The following ELP3 variants were observed in gnomAD, a reference collection of about 807,000 sequenced individuals.
ELP3 encodes elongator acetyltransferase complex subunit 3.
A neutral mutation model predicts 74.9 loss-of-function variants in ELP3; 56 were observed. The ratio of observed to expected loss-of-function variants is 0.75; its 90% CI spans 0.60 to 0.93. The LOEUF is 0.93. Ranked by LOEUF, ELP3 falls within the 40% of genes least tolerant of loss-of-function variation. The probability of loss-of-function intolerance (pLI) is 0.00; values close to 1 mark genes in which losing one functional copy is unlikely to be tolerated. For missense variants in ELP3, 573 were observed against 686.5 expected (o/e 0.83, Z 1.85); for synonymous variants, 222 against 239.8 (o/e 0.93, Z 0.68).
intron 14 of ELP3, among the ~76,000 whole-genome samples, chr8:28,162,661 A>G (rs1286832406): frequency 6.6e-6 from 1 of 152,232 alleles, no homozygotes; most frequent in Non-Finnish European, 1.5e-5. Flanking sequence ...AAGCATACAC[A>G]TTTATTGCAT....
intron 14 of ELP3, among the ~76,000 whole-genome samples, chr8:28,162,518 A>G (rs1022396901): frequency 2.0e-5 from 3 of 152,130 alleles, no homozygotes; most frequent in Admixed American, 6.5e-5. Context: ...TGCTCTTTCA[A>G]TTTTGTTCTC....
intron 3 of ELP3, among the ~76,000 whole-genome samples, chr8:28,102,302 C>T (rs530282176): frequency 1.1e-4 from 16 of 152,342 alleles, no homozygotes; most frequent in South Asian, 1.0e-3. Context: ...TTCACCTTTC[C>T]TGTCCATGTT....
At chr8:28,138,950 CTTG>C (rs916164154) in intron 10 of ELP3, among the ~76,000 whole-genome samples, 7 of 152,114 alleles carry the variant, frequency 4.6e-5, no homozygotes, top group African/African-American at 1.2e-4. Flanking sequence ...GGCCCTTCCC[CTTG>C]TTGTTCAACC....
chr8:28,181,640 CTTTCCCACG>C (rs1363067032), intron 14 of ELP3, among the ~76,000 whole-genome samples: 6 of 152,214 alleles, frequency 3.9e-5, no homozygotes, highest in African/African-American at 1.4e-4. Flanking sequence ...AAGGGATGTG[CTTTCCCACG>C]AAGACTAGAG....
chr8:28,120,638 A>G lies in ELP3; in HGVS notation c.617+7465A>G, dbSNP rs180833398. On this transcript the variant is annotated intron_variant, in intron 7 of 14. Coordinates refer to ENST00000256398, the MANE Select transcript of ELP3 (RefSeq NM_018091.6). ...ACCATTGCACGTTCCCAAGGCACAA[A>G]GATATTCTCCTGTGTTTTCTTCTAA... 7.5e-4 allele frequency among the ~76,000 whole-genome samples: 114 copies of G among 152,316 alleles called. No homozygotes were observed. The Middle Eastern group carries it at 0.01, about 14-fold the overall frequency.
chr8:28,120,066 G>A (rs4732824), intron 7 of ELP3, among the ~76,000 whole-genome samples: 88,063 of 151,984 alleles, frequency 0.58, 27,284 homozygotes, highest in East Asian at 0.92. Flanking sequence ...ACGTTCTTGT[G>A]TAAGTCTTTT....
chr8:28,186,118 A>G (rs1815229476), intron 14 of ELP3, among the ~76,000 whole-genome samples: 1 of 152,178 alleles, frequency 6.6e-6, no homozygotes, highest in Non-Finnish European at 1.5e-5. Flanking sequence ...TACATGTGGT[A>G]TCTACAGGAG....
chr8:28,103,173 AAAAC>A (rs370258663), intron 3 of ELP3, among the ~76,000 whole-genome samples: 1,813 of 118,176 alleles, frequency 0.015, 32 homozygotes, highest in African/African-American at 0.051. Context: ...CTGTCTCAAA[AAAAC>A]AAACAAACAA....
At chr8:28,117,775 A>C (rs1208237050) in intron 7 of ELP3, among the ~76,000 whole-genome samples, 1 of 152,204 alleles carries the variant, frequency 6.6e-6, no homozygotes, top group Non-Finnish European at 1.5e-5. Flanking sequence ...TGCTTTGTTA[A>C]GGTAAAGTTT....
intron 10 of ELP3, among the ~76,000 whole-genome samples, chr8:28,145,057 AAAAG>A (rs1372476502): frequency 2.6e-5 from 4 of 152,170 alleles, no homozygotes; most frequent in Non-Finnish European, 4.4e-5. Context: ...AATAAAATAA[AAAAG>A]AAACCTGTAT....
intron 2 of ELP3, among the ~76,000 whole-genome samples, chr8:28,098,203 A>AC (rs1169013618): frequency 2.7e-5 from 4 of 147,476 alleles, no homozygotes; most frequent in Non-Finnish European, 6.0e-5. Context: ...CTCTGCATCT[A>AC]TTTTTTTTTT....
chr8:28,189,741 A>T lies in ELP3; in HGVS notation c.*16A>T. The stretch of plus-strand genomic sequence containing the variant: ...GCTGAAATAATGGCCACACCAGTCC[A>T]CTCTTCTGCAGTATCCTCCCTGGCA... On this transcript the variant is annotated 3_prime_UTR_variant, in exon 15 of 15. Coordinates refer to ENST00000256398, the MANE Select transcript of ELP3 (RefSeq NM_018091.6). 6.2e-7 allele frequency: 1 copy of T among 1,611,208 alleles called. No individual in the cohort carries two copies. Among genetic ancestry groups the T allele is most frequent in the East Asian group, 2.2e-5 (1 of 44,862 alleles).
chr8:28,135,017 C>T (rs574064490), intron 9 of ELP3, among the ~76,000 whole-genome samples: 49 of 152,156 alleles, frequency 3.2e-4, no homozygotes, highest in Middle Eastern at 3.4e-3. Context: ...CAACCTCTGC[C>T]TCCCGGGTTC....
At chr8:28,172,376 A>G (rs536288844) in intron 14 of ELP3, among the ~76,000 whole-genome samples, 17 of 152,042 alleles carry the variant, frequency 1.1e-4, no homozygotes, top group Non-Finnish European at 2.2e-4. Context: ...CTTTGCTTAA[A>G]TTTATTCCGA....
chr8:28,178,287 C>T lies in ELP3; in HGVS notation c.1568-11362C>T, dbSNP rs578215068. Among the ~76,000 whole-genome samples the T allele has an allele frequency of 8.5e-5, 13 of 152,276 alleles. No individual in the cohort carries two copies. The South Asian group carries it at 1.7e-3, about 19-fold the overall frequency. ...ACGAATTTTGTGGGGGATACACATT[C>T]GGACCATCGCACTCTCTAACCCCCA... On this transcript the variant is annotated intron_variant, in intron 14 of 14. Transcript: ENST00000256398.
In ELP3 at chr8:28,134,932, T is replaced by C. The variant is rs191465467; in HGVS notation, c.906+2528T>C. 5.5e-3 allele frequency among the ~76,000 whole-genome samples: 842 copies of C among 152,008 alleles called. 6 individuals carry two copies. Among genetic ancestry groups the C allele is most frequent in the African/African-American group, 0.019 (784 of 41,532 alleles). ...ATCTTCAACCAGTTTCTTATGCCTT[T>C]TTTTTTTTTTCCTTGAGACGGAGTC... On this transcript the variant is annotated intron_variant, in intron 9 of 14. Transcript: ENST00000256398.
At chr8:28,180,091 T>C (rs1031818999) in intron 14 of ELP3, among the ~76,000 whole-genome samples, 2 of 152,204 alleles carry the variant, frequency 1.3e-5, no homozygotes, top group Non-Finnish European at 2.9e-5. Context: ...TTCTCTAGTT[T>C]TACTAGGATA....
chr8:28,115,140 T>C (rs1007344755), intron 7 of ELP3, among the ~76,000 whole-genome samples: 1 of 151,850 alleles, frequency 6.6e-6, no homozygotes, highest in South Asian at 2.1e-4. Flanking sequence ...AGGGAGAAAA[T>C]CAAGAGTTCT....
upstream of ELP3, chr8:28,090,292 G>A (rs909239204): frequency 9.8e-6 from 4 of 408,714 alleles, no homozygotes; most frequent in Admixed American, 7.9e-5. Flanking sequence ...TGGAGCCCAG[G>A]CTGTTGCTTC....
Sources: allele counts gnomAD v4.1 joint callset (sites outside exome capture counted in the v4.1 genomes callset), GRCh38; gene constraint gnomAD v4.1.1; transcripts MANE v1.5; gene names NCBI Gene and HGNC (gene_info 2026-07-23, HGNC 2026-07-21).